TTC13: variants seen among roughly 807,000 people sequenced by gnomAD.
TTC13 encodes the protein tetratricopeptide repeat protein 13.
Under a neutral mutation model 120.0 loss-of-function variants are expected in TTC13, and 62 were observed. That is an observed-to-expected ratio of 0.52 (90% CI 0.42 to 0.64). The LOEUF is 0.64. TTC13 is among the 30% of genes least tolerant of loss of function. The probability of loss-of-function intolerance (pLI) is 0.00; values close to 1 mark genes in which losing one functional copy is unlikely to be tolerated. For missense variants in TTC13, 824 were observed against 1,050.2 expected, an observed-to-expected ratio of 0.78 and a Z score of 2.98; for synonymous variants, 384 against 393.5, an observed-to-expected ratio of 0.98 and a Z score of 0.28.
At chr1:230,962,191 C>T (rs551763973) in intron 1 of TTC13, among the ~76,000 whole-genome samples, 66 of 144,148 alleles carry the variant, frequency 4.6e-4, no homozygotes, top group Admixed American at 1.2e-3. Flanking sequence ...GCCTGGGCAA[C>T]AAGAGCAAAA....
chr1:230,912,019 T>C (rs1192289654), intron 19 of TTC13, among the ~76,000 whole-genome samples: 1 of 152,052 alleles, frequency 6.6e-6, no homozygotes, highest in African/African-American at 2.4e-5. Flanking sequence ...TGATTAAATG[T>C]TGGAGAAATA....
At chr1:230,954,086 T>C (rs1675830918) in intron 4 of TTC13, among the ~76,000 whole-genome samples, 1 of 152,196 alleles carries the variant, frequency 6.6e-6, no homozygotes, top group Admixed American at 6.5e-5. Context: ...ATGAGTAAAT[T>C]GCTTGACCTG....
chr1:230,931,258 G>A (rs1673529355), intron 11 of TTC13, 40 bp downstream of exon 11: 1 of 1,596,440 alleles, frequency 6.3e-7, no homozygotes, highest in Non-Finnish European at 8.6e-7. Flanking sequence ...CTACAGCTTT[G>A]AGCATGAAAA....
chr1:230,953,909 T>A (rs1249824416), intron 4 of TTC13, among the ~76,000 whole-genome samples: 1 of 152,214 alleles, frequency 6.6e-6, no homozygotes, highest in Non-Finnish European at 1.5e-5. Context: ...GAAATTAAGT[T>A]AATCATGAAG....
chr1:230,910,680 T>G (rs1671411551), intron 20 of TTC13, among the ~76,000 whole-genome samples: 1 of 152,242 alleles, frequency 6.6e-6, no homozygotes, highest in Non-Finnish European at 1.5e-5. Flanking sequence ...AGCGGTGATG[T>G]GCACAGGCCT....
chr1:230,916,285 C>T lies in TTC13; in HGVS notation c.2001G>A (p.Thr667=), dbSNP rs754928638. ...TTGTGTTCACGGTGAACCCATCCTT[C>T]GTTTTAGTATTAAACTGCTTTCAGG... is the stretch of plus-strand genomic sequence containing the variant. ...LPIMKQFNTK[T]KDGFTVNTKV... The change falls in exon 18 of 23, where the codon ACG becomes ACA. Residue 667 remains threonine, a synonymous_variant. Transcript: ENST00000366661. 57 of 1,613,776 alleles carry T rather than the reference C, an allele frequency of 3.5e-5. No individual in the cohort carries two copies. The highest frequency in any genetic ancestry group is 1.6e-4 in the Middle Eastern group (1 of 6,084).
chr1:230,936,093 G>A (rs1256821791), intron 8 of TTC13: 6 of 444,200 alleles, frequency 1.4e-5, no homozygotes, highest in Non-Finnish European at 2.7e-5. Context: ...ATCGGGGCGT[G>A]TTAAGTCTGG....
intron 1 of TTC13, among the ~76,000 whole-genome samples, chr1:230,963,066 C>G (rs1251325709): frequency 6.6e-6 from 1 of 152,120 alleles, no homozygotes; most frequent in Non-Finnish European, 1.5e-5. Context: ...TATATTAAAA[C>G]ATTTCACCTT....
chr1:230,939,278 A>C, intron 8 of TTC13, 108 bp downstream of exon 8: 12 of 543,816 alleles, frequency 2.2e-5, no homozygotes, highest in Non-Finnish European at 3.6e-5. Flanking sequence ...ATCAAAGAGT[A>C]GGAGCTCAAT....
chr1:230,920,655 A>C, intron 16 of TTC13, 61 bp from the exon 17 acceptor site: 1 of 1,003,680 alleles, frequency 1.0e-6, no homozygotes, highest in Non-Finnish European at 1.4e-6. Context: ...ATAATTAATC[A>C]TGCAATTATC....
chr1:230,974,358 C>T (rs142483041), intron 1 of TTC13, among the ~76,000 whole-genome samples: 2 of 152,126 alleles, frequency 1.3e-5, no homozygotes, highest in African/African-American at 2.4e-5. Flanking sequence ...TAGAGTCATG[C>T]GCCACATAAT....
chr1:230,913,354 C>T (rs973032965), intron 18 of TTC13, among the ~76,000 whole-genome samples: 9 of 152,202 alleles, frequency 5.9e-5, no homozygotes, highest in South Asian at 2.1e-4. Context: ...AAGGAAGAAA[C>T]GGGGCCACAA....
chr1:230,951,169 G>A (rs1041207542), intron 4 of TTC13, among the ~76,000 whole-genome samples: 1 of 152,126 alleles, frequency 6.6e-6, no homozygotes, highest in Non-Finnish European at 1.5e-5. Flanking sequence ...CAAGACAACA[G>A]GAAAGGTATA....
At chr1:230,959,662 T>G (rs1353146358) in intron 2 of TTC13, among the ~76,000 whole-genome samples, 1 of 152,246 alleles carries the variant, frequency 6.6e-6, no homozygotes, top group African/African-American at 2.4e-5. Context: ...ATTACAGGCG[T>G]GAGCCACTGC....
chr1:230,917,500 A>C (rs1194767616), intron 17 of TTC13, among the ~76,000 whole-genome samples: 4 of 152,240 alleles, frequency 2.6e-5, no homozygotes, highest in Admixed American at 2.6e-4. Context: ...GACCTGGTAC[A>C]TTCCACTAAG....
At chr1:230,967,623 A>G (rs1205582165) in intron 1 of TTC13, among the ~76,000 whole-genome samples, 2 of 152,228 alleles carry the variant, frequency 1.3e-5, no homozygotes, top group Non-Finnish European at 2.9e-5. Flanking sequence ...TAAAATTTTT[A>G]TAACTATGTA....
intron 12 of TTC13, among the ~76,000 whole-genome samples, chr1:230,927,217 T>G (rs1673124821): frequency 6.6e-6 from 1 of 152,210 alleles, no homozygotes; most frequent in South Asian, 2.1e-4. Flanking sequence ...CTGGTAGACA[T>G]GTGCACAAGT....
At chr1:230,962,868 G>T (rs533497583) in intron 1 of TTC13, among the ~76,000 whole-genome samples, 5 of 152,300 alleles carry the variant, frequency 3.3e-5, no homozygotes, top group Admixed American at 1.3e-4. Context: ...CCATCTATAT[G>T]AAATGTCCAG....
At chr1:230,960,998 G>A (rs1008469972) in intron 2 of TTC13, among the ~76,000 whole-genome samples, 9 of 152,192 alleles carry the variant, frequency 5.9e-5, no homozygotes, top group African/African-American at 2.2e-4. Flanking sequence ...CTTGACACTT[G>A]CAAATTAAAA....
Sources: allele counts gnomAD v4.1 joint callset (sites outside exome capture counted in the v4.1 genomes callset), GRCh38; gene constraint gnomAD v4.1.1; transcripts MANE v1.5; gene names NCBI Gene and HGNC (gene_info 2026-07-23, HGNC 2026-07-21).